PHLPP1: variants seen among roughly 807,000 people sequenced by gnomAD.
PHLPP1 encodes PH domain leucine-rich repeat-containing protein phosphatase 1.
A neutral mutation model predicts 117.2 loss-of-function variants in PHLPP1; 42 were observed. That is an observed-to-expected ratio of 0.36 (90% CI 0.28 to 0.46). The LOEUF is 0.46. Among genes scored for constraint, PHLPP1 ranks in the 20% least tolerant of loss-of-function variants. The pLI, the probability that PHLPP1 is intolerant of heterozygous loss-of-function variation, is 1.00. For missense variants in PHLPP1, 2,084 were observed against 2,241.9 expected (o/e 0.93, Z 1.42); for synonymous variants, 1,042 against 970.7 (o/e 1.07, Z -1.37).
chr18:62,831,840 T>TA lies in PHLPP1; in HGVS notation c.1773+1610dup, dbSNP rs1193537393. Among the ~76,000 whole-genome samples, 11 of 152,350 alleles carry TA rather than the reference T, an allele frequency of 7.2e-5. No homozygotes were observed. In the East Asian group the frequency reaches 2.1e-3, roughly 29 times the overall value. On this transcript the variant is annotated intron_variant, in intron 2 of 16. Transcript: ENST00000262719. The stretch of plus-strand genomic sequence containing the variant: ...TCTATTCTAGTTTCAAGAAGGCTAA[T>TA]ACTTGATCATTTTCAAAAATAGGTT...
At chr18:62,741,192 C>A (rs1911517199) in intron 1 of PHLPP1, among the ~76,000 whole-genome samples, 1 of 152,062 alleles carries the variant, frequency 6.6e-6, no homozygotes, top group Non-Finnish European at 1.5e-5. Flanking sequence ...AAATAATAGA[C>A]CGTTCTTGAT....
rs966217706 is a variant in PHLPP1 at position 62,978,240 on chromosome 18, C to T, written c.3985-22C>T. 3 of 1,486,454 alleles carry T rather than the reference C, an allele frequency of 2.0e-6. No homozygotes were observed. Among genetic ancestry groups the T allele is most frequent in the South Asian group, 1.2e-5 (1 of 82,994 alleles). The allele number at this position is 1,486,454 out of a possible 1,614,324, so 92.1% of individuals were successfully genotyped here. A position where few individuals can be genotyped will look rare whatever the true frequency, so the allele number is the denominator to read the frequency against. ...CAGGTGCTCTGTATTAACTGTCTGT[C>T]TGCAAACCCTTGTTCTTCCAGGATG... On this transcript the variant is annotated intron_variant, in intron 16 of 16. Transcript: ENST00000262719. The surrounding 1 kb of genome is among the most constrained non-coding windows in gnomAD (Gnocchi z 7.0).
chr18:62,920,781 G>A (rs1909441312), intron 10 of PHLPP1, among the ~76,000 whole-genome samples: 1 of 152,032 alleles, frequency 6.6e-6, no homozygotes, highest in African/African-American at 2.4e-5. Flanking sequence ...GGCTGGTTTC[G>A]AACTCCTGGG....
intron 4 of PHLPP1, among the ~76,000 whole-genome samples, chr18:62,860,879 C>A (rs1360067518): frequency 6.6e-6 from 1 of 152,094 alleles, no homozygotes; most frequent in East Asian, 1.9e-4. Context: ...TTATTCCTAT[C>A]TAAAAATGCA....
intron 1 of PHLPP1, among the ~76,000 whole-genome samples, chr18:62,743,323 G>A (rs568537589): frequency 1.3e-4 from 19 of 149,822 alleles, no homozygotes; most frequent in Admixed American, 1.2e-3. Context: ...TTTTTATTAC[G>A]GAAAATTTAA....
intron 1 of PHLPP1, among the ~76,000 whole-genome samples, chr18:62,827,563 A>T (rs1368821070): frequency 6.6e-6 from 1 of 152,218 alleles, no homozygotes; most frequent in Non-Finnish European, 1.5e-5. Context: ...TGTCCTAAGG[A>T]TGTGTCTGAT....
intron 1 of PHLPP1, among the ~76,000 whole-genome samples, chr18:62,774,040 A>G (rs1356736196): frequency 6.6e-6 from 1 of 152,192 alleles, no homozygotes; most frequent in Non-Finnish European, 1.5e-5. Context: ...TAACACCGTC[A>G]CATTAGGGGT....
At chr18:62,899,931 A>G (rs1388584804) in intron 6 of PHLPP1, among the ~76,000 whole-genome samples, 2 of 152,164 alleles carry the variant, frequency 1.3e-5, no homozygotes, top group African/African-American at 4.8e-5. Flanking sequence ...AGCCTCCCCA[A>G]GTGCTGAGAA....
intron 1 of PHLPP1, among the ~76,000 whole-genome samples, chr18:62,731,739 T>C (rs749608227): frequency 3.9e-5 from 6 of 152,194 alleles, no homozygotes; most frequent in Non-Finnish European, 8.8e-5. Context: ...AAAGAGGTTA[T>C]TGAAGGAAAT....
At chr18:62,866,833 A>G (rs1337031478) in intron 4 of PHLPP1, among the ~76,000 whole-genome samples, 1 of 151,768 alleles carries the variant, frequency 6.6e-6, no homozygotes, top group Non-Finnish European at 1.5e-5. Flanking sequence ...ATATCTTTTG[A>G]GCTCATCCTC....
In PHLPP1 at chr18:62,924,186, G is replaced by A. The variant is rs576444426; in HGVS notation, c.2960+4072G>A. 1.5e-4 allele frequency among the ~76,000 whole-genome samples: 23 copies of A among 152,260 alleles called. No individual in the cohort carries two copies. In the South Asian group the frequency reaches 2.7e-3, roughly 18 times the overall value. On this transcript the variant is annotated intron_variant, in intron 10 of 16. Transcript: ENST00000262719. The stretch of plus-strand genomic sequence containing the variant: ...TGGATGATACAAAGCTGTGTGTTTG[G>A]CAAATAGCTGCAGGCATTGGTGAGA...
At chr18:62,941,980 G>A (rs1910144743) in intron 11 of PHLPP1, 62 bp downstream of exon 11, 2 of 1,314,806 alleles carry the variant, frequency 1.5e-6, no homozygotes, top group Admixed American at 3.8e-5. Context: ...TCATAGAAAG[G>A]TGAAGGCTGA....
intron 4 of PHLPP1, among the ~76,000 whole-genome samples, chr18:62,863,252 A>G (rs182518616): frequency 1.3e-5 from 2 of 151,262 alleles, no homozygotes; most frequent in East Asian, 3.9e-4. Context: ...GCTGTCACCC[A>G]GGCTGGAGTG....
At chr18:62,863,369 A>G (rs1025446830) in intron 4 of PHLPP1, among the ~76,000 whole-genome samples, 1 of 151,884 alleles carries the variant, frequency 6.6e-6, no homozygotes, top group African/African-American at 2.4e-5. Context: ...ACGCACAGCT[A>G]GAATTTATAT....
intron 4 of PHLPP1, among the ~76,000 whole-genome samples, chr18:62,877,147 T>G (rs1462827763): frequency 2.0e-5 from 3 of 152,230 alleles, no homozygotes; most frequent in African/African-American, 4.8e-5. Flanking sequence ...AATGACCTTA[T>G]TTCCTATTCT....
At chr18:62,882,836 C>T (rs1486690472) in intron 4 of PHLPP1, among the ~76,000 whole-genome samples, 3 of 150,992 alleles carry the variant, frequency 2.0e-5, no homozygotes, top group African/African-American at 4.9e-5. Context: ...TAAGCTTTCT[C>T]TTTTTGTTCT....
intron 14 of PHLPP1, among the ~76,000 whole-genome samples, chr18:62,971,089 C>T (rs373521424): frequency 1.3e-5 from 2 of 152,296 alleles, no homozygotes; most frequent in East Asian, 3.9e-4. Flanking sequence ...CAGGGAGAAG[C>T]CTGCTGTTGG....
intron 4 of PHLPP1, among the ~76,000 whole-genome samples, chr18:62,888,325 GTGTGTGTGTA>G (rs1349594064): frequency 2.1e-5 from 3 of 144,574 alleles, no homozygotes; most frequent in Admixed American, 1.4e-4. Context: ...GTGTGTGTGT[GTGTGTGTGTA>G]TGTTTTTTTT....
At position 62,740,982 on chromosome 18, in the gene PHLPP1, G is replaced by GA. The variant is rs892649458; in HGVS notation, c.1576+23733dup. ...GAGTCAGACTCTGTCTCAAAAAGAAGAAAAAAAAAAGAATATAATTGCTCA... is the reference window on the plus strand; with the variant it reads ...GAGTCAGACTCTGTCTCAAAAAGAAGAAAAAAAAAAAGAATATAATTGCTCA... On this transcript the variant is annotated intron_variant, in intron 1 of 16. Transcript: ENST00000262719. Among the ~76,000 whole-genome samples, 44 of 147,122 alleles carry GA rather than the reference G, an allele frequency of 3.0e-4. 1 individual carries two copies. In the South Asian group the frequency reaches 6.5e-3, roughly 22 times the overall value.
Sources: allele counts gnomAD v4.1 joint callset (sites outside exome capture counted in the v4.1 genomes callset), GRCh38; gene constraint gnomAD v4.1.1; non-coding constraint Gnocchi (gnomAD v3.1); transcripts MANE v1.5; gene names NCBI Gene and HGNC (gene_info 2026-07-23, HGNC 2026-07-21).